DRC8: variants seen among roughly 807,000 people sequenced by gnomAD.
The protein encoded by DRC8 is dynein regulatory complex subunit 8.
At chr1:245,052,227 G>T in the DRC8 span, among the ~76,000 whole-genome samples, 1 of 152,220 alleles carries the variant, frequency 6.6e-6, no homozygotes, top group Non-Finnish European at 1.5e-5. Flanking sequence ...GGGTGAATTT[G>T]TCATAGGCCA....
the DRC8 span, among the ~76,000 whole-genome samples, chr1:245,051,117 G>A: frequency 6.6e-6 from 1 of 152,006 alleles, no homozygotes; most frequent in South Asian, 2.1e-4. Context: ...TAGCAACCTG[G>A]CCAGGCTCAT....
the DRC8 span, among the ~76,000 whole-genome samples, chr1:245,019,984 T>C: frequency 6.6e-6 from 1 of 151,758 alleles, no homozygotes; most frequent in African/African-American, 2.4e-5. Context: ...AAGAAAGAAG[T>C]GTCTTTGAAC....
At chr1:244,995,276 G>A in the DRC8 span, among the ~76,000 whole-genome samples, 1 of 151,860 alleles carries the variant, frequency 6.6e-6, no homozygotes, top group Non-Finnish European at 1.5e-5. Flanking sequence ...CAGGAGAATC[G>A]CTTGAATCCG....
the DRC8 span, among the ~76,000 whole-genome samples, chr1:245,100,974 TC>T: frequency 6.6e-6 from 1 of 152,022 alleles, no homozygotes; most frequent in African/African-American, 2.4e-5. Flanking sequence ...AACCTCCGCC[TC>T]CCGGGTTCCA....
the DRC8 span, among the ~76,000 whole-genome samples, chr1:245,064,155 T>G: frequency 6.6e-6 from 1 of 152,234 alleles, no homozygotes; most frequent in East Asian, 1.9e-4. Flanking sequence ...AGGAGTTGGC[T>G]GCTCTATATA....
At chr1:245,102,085 G>A in the DRC8 span, among the ~76,000 whole-genome samples, 5 of 151,684 alleles carry the variant, frequency 3.3e-5, no homozygotes, top group South Asian at 1.0e-3. Context: ...CTTTTGCACC[G>A]TGCTTCTACA....
the DRC8 span, among the ~76,000 whole-genome samples, chr1:245,054,674 C>T: frequency 6.6e-6 from 1 of 152,148 alleles, no homozygotes; most frequent in African/African-American, 2.4e-5. Context: ...AGACCTCTTC[C>T]TTCTCTTTCC....
the DRC8 span, chr1:245,082,215 C>A: frequency 6.7e-7 from 1 of 1,484,090 alleles, no homozygotes; most frequent in Non-Finnish European, 9.4e-7. Flanking sequence ...AATTATGAAT[C>A]CATTCATTTC....
At chr1:245,002,123 C>A in the DRC8 span, 1 of 1,600,670 alleles carries the variant, frequency 6.2e-7, no homozygotes, top group East Asian at 2.2e-5. Context: ...TATGCTAGGG[C>A]CTGGGATACA....
chr1:245,007,033 G>T, the DRC8 span, among the ~76,000 whole-genome samples: 1 of 152,210 alleles, frequency 6.6e-6, no homozygotes, highest in South Asian at 2.1e-4. Flanking sequence ...GAATTTGTTA[G>T]AATGAGAAAT....
chr1:245,030,650 T>C, the DRC8 span: 1 of 152,218 alleles, frequency 6.6e-6, no homozygotes, highest in East Asian at 1.9e-4. Context: ...TTTCTTCTTT[T>C]CCAGATTCTT....
the DRC8 span, among the ~76,000 whole-genome samples, chr1:245,068,341 G>A: frequency 6.6e-6 from 1 of 152,080 alleles, no homozygotes; most frequent in African/African-American, 2.4e-5. Context: ...TTCCAACAAT[G>A]CCATCACCTT....
chr1:245,063,203 T>C, the DRC8 span, among the ~76,000 whole-genome samples: 962 of 152,210 alleles, frequency 6.3e-3, 10 homozygotes, highest in African/African-American at 0.022. Flanking sequence ...GTTCCAGGTC[T>C]CCACTTCACT....
the DRC8 span, chr1:245,059,555 C>A: frequency 2.1e-6 from 2 of 948,270 alleles, no homozygotes; most frequent in Non-Finnish European, 1.6e-6. Flanking sequence ...AAAAAAAGTG[C>A]CCCAAACTAC....
the DRC8 span, among the ~76,000 whole-genome samples, chr1:245,106,233 A>G: frequency 6.6e-6 from 1 of 152,166 alleles, no homozygotes; most frequent in African/African-American, 2.4e-5. Context: ...CTGGTGATTT[A>G]CAGTGTTTGC....
chr1:244,994,012 G>T, the DRC8 span, among the ~76,000 whole-genome samples: 1 of 152,070 alleles, frequency 6.6e-6, no homozygotes, highest in Admixed American at 6.6e-5. Flanking sequence ...CACAGGAGTC[G>T]TGGTTCATAA....
At chr1:245,070,761 T>A in the DRC8 span, among the ~76,000 whole-genome samples, 1 of 152,368 alleles carries the variant, frequency 6.6e-6, no homozygotes, top group South Asian at 2.1e-4. Context: ...TCAGAATGTA[T>A]GTGCCCCTTC....
chr1:245,061,082 C>T, the DRC8 span, among the ~76,000 whole-genome samples: 1 of 152,186 alleles, frequency 6.6e-6, no homozygotes, highest in East Asian at 1.9e-4. Flanking sequence ...CAAAGTAGAA[C>T]AAATACCACA....
At chr1:245,119,222 A>G in the DRC8 span, among the ~76,000 whole-genome samples, 1 of 152,252 alleles carries the variant, frequency 6.6e-6, no homozygotes, top group South Asian at 2.1e-4. Flanking sequence ...TTTCAGTAAA[A>G]TAATTTCTCA....
Sources: gnomAD v4.1 joint callset for allele counts (sites outside exome capture counted in the v4.1 genomes callset) on GRCh38, gnomAD v4.1.1 for gene constraint, MANE v1.5 for transcripts, NCBI Gene and HGNC (gene_info 2026-07-23, HGNC 2026-07-21) for gene names.